KLK6: variants seen among roughly 807,000 people sequenced by gnomAD.
KLK6 encodes the protein kallikrein related peptidase 6.
A neutral mutation model predicts 21.7 loss-of-function variants in KLK6; 16 were observed. That is an observed-to-expected ratio of 0.74 (90% CI 0.50 to 1.12). The LOEUF is 1.12. Among genes scored for constraint, KLK6 ranks in the 50% most tolerant of loss-of-function variants. The pLI is 0.00. For synonymous variants in KLK6, 116 were observed against 120.1 expected (o/e 0.97, Z 0.22); for missense variants, 276 against 304.6 (o/e 0.91, Z 0.70).
rs1600084113 is a variant in KLK6 at position 50,959,116 on chromosome 19, A to C, written c.*48T>G. On this transcript the variant is annotated 3_prime_UTR_variant, in exon 7 of 7. Coordinates refer to ENST00000310157, the MANE Select transcript of KLK6 (RefSeq NM_002774.4). Reference sequence around the variant, plus strand: ...AGGTCTAGGTGAGAGACGTTCTGGAACCAGCCAGTGGGGTGGTAGGTCGGG... The same window carrying C: ...AGGTCTAGGTGAGAGACGTTCTGGACCCAGCCAGTGGGGTGGTAGGTCGGG... 4 of 1,610,958 alleles carry C rather than the reference A, an allele frequency of 2.5e-6. No homozygotes were observed. The highest frequency in any genetic ancestry group is 1.7e-4 in the Middle Eastern group (1 of 6,018).
At chr19:50,963,763 G>T in intron 4 of KLK6, 1 of 577,892 alleles carries the variant, frequency 1.7e-6, no homozygotes, top group South Asian at 2.1e-5. Context: ...AATTCCTTTT[G>T]CCTCTCTGAA....
At chr19:50,967,518 C>CACAT (rs1276213661) in intron 3 of KLK6, among the ~76,000 whole-genome samples, 193 bp from the exon 4 acceptor site, 1 of 148,494 alleles carries the variant, frequency 6.7e-6, no homozygotes, top group Non-Finnish European at 1.5e-5. Flanking sequence ...TCTCCACACA[C>CACAT]ACACACACAC....
rs758112800 is a variant in KLK6, at chr19:50,963,484, G to T, written c.263C>A (p.Ser88Tyr). The T allele has an allele frequency of 2.5e-6, 4 of 1,614,168 alleles. No individual in the cohort carries two copies. The South Asian group carries it at 3.3e-5, about 13-fold the overall frequency. The change falls in exon 5 of 7, where the codon TCT (serine) becomes TAT (tyrosine). Residue 88 changes from serine to tyrosine, a missense_variant. By Grantham distance (144) the Ser-to-Tyr change is moderately radical. Transcript: ENST00000310157. The stretch of plus-strand genomic sequence containing the variant: ...AGGGTGGATCACAGCCCGGACAACA[G>T]AACTCTGCTCCTGGGAACTCTCCCT... ...RQRESSQEQS[S>Y]VVRAVIHPDY...
chr19:50,965,190 A>G (rs558150493), intron 4 of KLK6, among the ~76,000 whole-genome samples: 43 of 150,436 alleles, frequency 2.9e-4, no homozygotes, highest in African/African-American at 1.0e-3. Context: ...GCAGCTTTGT[A>G]CTCCTGGGCT....
In KLK6 at chr19:50,959,328, A is replaced by T; in HGVS notation, c.583-12T>A. ...CCCCCAGAATCACCCTGCAGGAAAG[A>T]GGGAGAAAGTCAGATACAGATAGAA... On this transcript the variant is annotated splice_polypyrimidine_tract_variant and intron_variant, in intron 6 of 6. Coordinates refer to ENST00000310157, the MANE Select transcript of KLK6 (RefSeq NM_002774.4). 1 of 1,612,516 alleles carries T rather than the reference A, an allele frequency of 6.2e-7. No individual in the cohort carries two copies. The highest frequency in any genetic ancestry group is 8.5e-7 in the Non-Finnish European group (1 of 1,179,450).
rs2123603341 is a variant in KLK6, at chr19:50,958,634, T to C, written c.*530A>G. 1 of 153,238 alleles carries C rather than the reference T, an allele frequency of 6.5e-6. No homozygotes were observed. Among genetic ancestry groups the C allele is most frequent in the Middle Eastern group, 3.4e-3 (1 of 294 alleles). 9.5% of individuals were successfully genotyped at this position (153,238 alleles called of 1,614,324 possible). On this transcript the variant is annotated 3_prime_UTR_variant, in exon 7 of 7. Transcript: ENST00000310157. Reference sequence around the variant, plus strand: ...AAATCAAAGCAAAAAGCCCCACTCATAATAAAATTCATTCTTTATTGAGTG... The same window carrying C: ...AAATCAAAGCAAAAAGCCCCACTCACAATAAAATTCATTCTTTATTGAGTG...
At chr19:50,966,491 AG>A in intron 4 of KLK6, among the ~76,000 whole-genome samples, 1 of 152,316 alleles carries the variant, frequency 6.6e-6, no homozygotes, top group Admixed American at 6.5e-5. Flanking sequence ...CGTGGTAGCC[AG>A]GGTGCTTGTA....
intron 4 of KLK6, among the ~76,000 whole-genome samples, chr19:50,965,290 CTT>C (rs60693532): frequency 1.1e-4 from 15 of 135,530 alleles, no homozygotes; most frequent in African/African-American, 1.1e-4. Context: ...TCTTTCTTTC[CTT>C]TTTTTTTTTT....
intron 6 of KLK6, among the ~76,000 whole-genome samples, chr19:50,960,052 GAGA>G: frequency 1.4e-5 from 1 of 69,584 alleles, no homozygotes; most frequent in South Asian, 6.9e-4. Context: ...GAGGAGGAGG[GAGA>G]GGAGGGGGGA....
At chr19:50,967,101 T>C in intron 4 of KLK6, 68 bp downstream of exon 4, 1 of 1,569,956 alleles carries the variant, frequency 6.4e-7, no homozygotes, top group South Asian at 1.1e-5. Context: ...TGTCACCTCC[T>C]GCCTGACATC....
chr19:50,967,510 T>A (rs1045463194), intron 3 of KLK6, among the ~76,000 whole-genome samples, 185 bp from the exon 4 acceptor site: 1 of 48,970 alleles, frequency 2.0e-5, no homozygotes, highest in Non-Finnish European at 3.7e-5. Flanking sequence ...AGACCTCATC[T>A]CCACACACAC....
chr19:50,967,511 C>CA (rs1555781647), intron 3 of KLK6, among the ~76,000 whole-genome samples, 186 bp from the exon 4 acceptor site: 1 of 125,478 alleles, frequency 8.0e-6, no homozygotes, highest in Non-Finnish European at 1.6e-5. Context: ...GACCTCATCT[C>CA]CACACACACA....
intron 5 of KLK6, 71 bp downstream of exon 5, chr19:50,963,231 C>T (rs771439767): frequency 2.7e-5 from 42 of 1,554,954 alleles, no homozygotes; most frequent in Non-Finnish European, 3.5e-5. Context: ...CCAATTTTCC[C>T]ACTCCCCATC....
chr19:50,967,242 A>G lies in KLK6; in HGVS notation c.124T>C (p.Ser42Pro), dbSNP rs2090940507. The G allele has an allele frequency of 6.2e-7, 1 of 1,613,986 alleles. No homozygotes were observed. The highest frequency in any genetic ancestry group is 2.2e-5 in the East Asian group (1 of 44,888). ...ACCCCACCACAGAGCAAGTGGCCCGAGGTGTAGAGGGCAGCTTGGTAGGGG... is the reference window on the plus strand; with the variant it reads ...ACCCCACCACAGAGCAAGTGGCCCGGGGTGTAGAGGGCAGCTTGGTAGGGG... ...SHPYQAALYT[S>P]GHLLCGGVLI... is the part of the protein sequence containing the mutation. Residue 42 changes from serine to proline, a missense_variant, in exon 4 of 7, where the codon TCG becomes CCG. Physicochemically the swap from Ser to Pro is moderately conservative, Grantham distance 74 (BLOSUM62 -1). Coordinates refer to ENST00000310157, the MANE Select transcript of KLK6 (RefSeq NM_002774.4).
At chr19:50,962,613 T>G (rs1325256860) in intron 5 of KLK6, 1 of 152,540 alleles carries the variant, frequency 6.6e-6, no homozygotes, top group Non-Finnish European at 1.5e-5. Flanking sequence ...CCCCACTGGC[T>G]CTCCCTTCCT....
rs972564528 is a variant in KLK6, at chr19:50,958,948, C to T, written c.*216G>A. On this transcript the variant is annotated 3_prime_UTR_variant, in exon 7 of 7. Transcript: ENST00000310157. ...ATTCTCTTAGTGGTGGGGGTAAGACCGAGGACCCAAGTCCTCACTCATCAC... is the reference window on the plus strand; with the variant it reads ...ATTCTCTTAGTGGTGGGGGTAAGACTGAGGACCCAAGTCCTCACTCATCAC... 4.6e-5 allele frequency: 27 copies of T among 589,708 alleles called. 1 individual carries two copies. The highest frequency in any genetic ancestry group is 3.7e-4 in the South Asian group (18 of 48,382). 36.5% of individuals were successfully genotyped at this position (589,708 alleles called of 1,614,324 possible).
chr19:50,966,260 G>A (rs2090924156), intron 4 of KLK6, among the ~76,000 whole-genome samples: 1 of 152,172 alleles, frequency 6.6e-6, no homozygotes, highest in South Asian at 2.1e-4. Context: ...CAGTTGTTCA[G>A]GACAAATACA....
rs2090756339 is a variant in KLK6 at position 50,958,740 on chromosome 19, C to G, written c.*424G>C. The G allele has an allele frequency of 5.2e-6, 1 of 190,598 alleles. No homozygotes were observed. The highest frequency in any genetic ancestry group is 1.1e-5 in the Non-Finnish European group (1 of 92,560). 11.8% of individuals were successfully genotyped at this position (190,598 alleles called of 1,614,324 possible). A position where few individuals can be genotyped will look rare whatever the true frequency, so the allele number is the denominator to read the frequency against. On this transcript the variant is annotated 3_prime_UTR_variant, in exon 7 of 7. Transcript: ENST00000310157. ...TCCAACAGCCACTGCCTTATGGAGA[C>G]TGTATCATCCTTATCTTCATCTTAC...
Position 50,968,601 on chromosome 19 carries a change from G to C in KLK6, c.-59-10C>G, listed in dbSNP as rs2090965374. 1 of 173,558 alleles carries C rather than the reference G, an allele frequency of 5.8e-6. No homozygotes were observed. The allele number at this position is 173,558 out of a possible 1,614,324, so 10.8% of individuals were successfully genotyped here. On this transcript the variant is annotated splice_polypyrimidine_tract_variant and intron_variant, in intron 1 of 6. Coordinates refer to ENST00000310157, the MANE Select transcript of KLK6 (RefSeq NM_002774.4). ...TCGGGGGAAGGAACAGCTTTGAGACGAGGAGGCAGAAAGAGTTAGAAATGC... is the reference window on the plus strand; with the variant it reads ...TCGGGGGAAGGAACAGCTTTGAGACCAGGAGGCAGAAAGAGTTAGAAATGC...
Sources: gnomAD v4.1 joint callset for allele counts (sites outside exome capture counted in the v4.1 genomes callset) on GRCh38, gnomAD v4.1.1 for gene constraint, MANE v1.5 for transcripts, NCBI Gene and HGNC (gene_info 2026-07-23, HGNC 2026-07-21) for gene names.